Variants in DCAF8L2 observed in about 807,000 individuals in gnomAD.
DCAF8L2 encodes the protein DDB1- and CUL4-associated factor 8-like protein 2.
For synonymous variants in DCAF8L2, 200 were observed against 190.9 expected (o/e 1.05, Z -0.39); for missense variants, 430 against 490.7 (o/e 0.88, Z 1.17).
intron 4 of DCAF8L2, among the ~76,000 whole-genome samples, chrX:27,723,608 A>G (rs1385000535): frequency 9.0e-6 from 1 of 111,469 alleles, no homozygotes; most frequent in Admixed American, 9.6e-5. Flanking sequence ...ATTCTCATAC[A>G]TTAGTGCTAA....
At chrX:27,684,184 G>A (rs761617520) in intron 3 of DCAF8L2, among the ~76,000 whole-genome samples, 1 of 111,922 alleles carries the variant, frequency 8.9e-6, no homozygotes, top group South Asian at 3.7e-4. Flanking sequence ...AGCTAACGAT[G>A]TCTGGAACCA....
chrX:27,537,587 GGA>G, the DCAF8L2 span, among the ~76,000 whole-genome samples: 6 of 112,327 alleles, frequency 5.3e-5, no homozygotes, highest in East Asian at 1.7e-3. Context: ...ATCTGGCAAA[GGA>G]GAGAGATTTA....
chrX:27,487,084 A>T, the DCAF8L2 span, among the ~76,000 whole-genome samples: 1 of 111,526 alleles, frequency 9.0e-6, no homozygotes. Context: ...GACTCTTCGA[A>T]TCCATGAACA....
At chrX:27,581,833 C>G in the DCAF8L2 span, among the ~76,000 whole-genome samples, 1 of 112,157 alleles carries the variant, frequency 8.9e-6, no homozygotes, top group Non-Finnish European at 1.9e-5. Flanking sequence ...ATCCGCCCAC[C>G]TCGGCATCCC....
At chrX:27,672,193 A>G (rs987803180) in intron 2 of DCAF8L2, among the ~76,000 whole-genome samples, 6 of 111,920 alleles carry the variant, frequency 5.4e-5, no homozygotes, top group African/African-American at 1.6e-4. Flanking sequence ...TAATCTGTCA[A>G]TATTATTAGG....
rs1206186327 is a variant in DCAF8L2, at chrX:27,746,864, T to C, written c.-32T>C. 2 of 1,164,300 alleles carry C rather than the reference T, an allele frequency of 1.7e-6. No homozygotes were observed. Among genetic ancestry groups the C allele is most frequent in the Admixed American group, 5.3e-5 (2 of 37,999 alleles). ...GCTTTTAGGGGCCTGGCCTTTGCAG[T>C]TCCAGATCTACTACAGCAAACATCG... On this transcript the variant is annotated 5_prime_UTR_variant, in exon 5 of 5. Coordinates refer to ENST00000451261, the MANE Select transcript of DCAF8L2 (RefSeq NM_001353450.2).
the DCAF8L2 span, among the ~76,000 whole-genome samples, chrX:27,513,719 A>G: frequency 4.7e-5 from 5 of 107,113 alleles, no homozygotes; most frequent in Non-Finnish European, 7.7e-5. Context: ...AAAAAAAAAA[A>G]GGGAACAAAG....
At chrX:27,614,908 T>C (rs757599983) in intron 1 of DCAF8L2, among the ~76,000 whole-genome samples, 1 of 111,137 alleles carries the variant, frequency 9.0e-6, no homozygotes, top group Non-Finnish European at 1.9e-5. Flanking sequence ...TCAGATTCTA[T>C]AGGAAACGTT....
At chrX:27,641,675 T>C (rs1409074663) in intron 2 of DCAF8L2, among the ~76,000 whole-genome samples, 7 of 109,537 alleles carry the variant, frequency 6.4e-5, no homozygotes, top group Non-Finnish European at 9.5e-5. Flanking sequence ...TTTCACCATG[T>C]TGGCCAGGCT....
intron 2 of DCAF8L2, among the ~76,000 whole-genome samples, chrX:27,635,081 A>G (rs368363066): frequency 3.3e-4 from 37 of 111,311 alleles, no homozygotes; most frequent in African/African-American, 1.2e-3. Context: ...TGCGTAGTGT[A>G]ATAGATATAT....
chrX:27,532,797 C>T, the DCAF8L2 span, among the ~76,000 whole-genome samples: 18 of 105,032 alleles, frequency 1.7e-4, no homozygotes, highest in Admixed American at 3.2e-4. Flanking sequence ...AGCCAGGGCC[C>T]GCACTTGGTG....
At chrX:27,639,960 T>C (rs1451531376) in intron 2 of DCAF8L2, among the ~76,000 whole-genome samples, 1 of 111,005 alleles carries the variant, frequency 9.0e-6, no homozygotes, top group African/African-American at 3.3e-5. Context: ...TTATTAGACT[T>C]CAAGTTCTAG....
intron 2 of DCAF8L2, among the ~76,000 whole-genome samples, chrX:27,665,225 CA>C (rs1929699701): frequency 9.2e-6 from 1 of 109,069 alleles, no homozygotes; most frequent in African/African-American, 3.3e-5. Flanking sequence ...TCAATATTAC[CA>C]AAAAATTTAA....
At chrX:27,531,777 A>G in the DCAF8L2 span, among the ~76,000 whole-genome samples, 1 of 111,456 alleles carries the variant, frequency 9.0e-6, no homozygotes, top group Non-Finnish European at 1.9e-5. Context: ...AAGGCCATAA[A>G]AAGTGTACAA....
At chrX:27,561,455 A>G in the DCAF8L2 span, among the ~76,000 whole-genome samples, 1 of 111,681 alleles carries the variant, frequency 9.0e-6, no homozygotes, top group East Asian at 2.8e-4. Flanking sequence ...TTCTTATGTT[A>G]TATATAATTG....
chrX:27,676,775 C>T (rs1054342815), intron 2 of DCAF8L2, among the ~76,000 whole-genome samples: 3 of 111,648 alleles, frequency 2.7e-5, no homozygotes, highest in African/African-American at 9.7e-5. Context: ...ATTCATGTAT[C>T]GATTTCGTGC....
the DCAF8L2 span, among the ~76,000 whole-genome samples, chrX:27,536,519 T>C: frequency 8.9e-6 from 1 of 112,730 alleles, no homozygotes; most frequent in Non-Finnish European, 1.9e-5. Context: ...AATAAAACTT[T>C]TGTTGCAGAA....
intron 2 of DCAF8L2, among the ~76,000 whole-genome samples, chrX:27,665,775 T>C (rs921181885): frequency 1.8e-5 from 2 of 112,010 alleles, no homozygotes; most frequent in African/African-American, 6.5e-5. Context: ...AAAAAGATCA[T>C]GACTCGCTGA....
chrX:27,657,897 A>G lies in DCAF8L2; in HGVS notation c.-219-19939A>G, dbSNP rs370768439. ...CCCCCGGATGTAGTTTTGTAACATC[A>G]AATACCATTAATCAAAAGCCACAAA... On this transcript the variant is annotated intron_variant, in intron 2 of 4. Coordinates refer to ENST00000451261, the MANE Select transcript of DCAF8L2 (RefSeq NM_001353450.2). Among the ~76,000 whole-genome samples the G allele has an allele frequency of 3.1e-4, 35 of 112,315 alleles. No homozygotes were observed. In the South Asian group the frequency reaches 0.012, roughly 40 times the overall value.
Sources: allele counts gnomAD v4.1 joint callset (sites outside exome capture counted in the v4.1 genomes callset), GRCh38; gene constraint gnomAD v4.1.1; transcripts MANE v1.5; gene names NCBI Gene and HGNC (gene_info 2026-07-23, HGNC 2026-07-21).